ZC2HC1B: variants seen among roughly 807,000 people sequenced by gnomAD.
The protein encoded by ZC2HC1B is zinc finger C2HC domain-containing protein 1B.
Under a neutral mutation model 31.0 loss-of-function variants are expected in ZC2HC1B, and 36 were observed. The ratio of observed to expected loss-of-function variants is 1.16; its 90% CI spans 0.89 to 1.54. The LOEUF (loss-of-function observed/expected upper bound fraction) is 1.54, where lower values mean the gene tolerates loss of function less well. Among genes scored for constraint, ZC2HC1B ranks in the 40% most tolerant of loss-of-function variants. The pLI is 0.00. For missense variants in ZC2HC1B, 260 were observed against 268.6 expected (o/e 0.97, Z 0.22); for synonymous variants, 73 against 88.0 (o/e 0.83, Z 0.95).
intron 6 of ZC2HC1B, among the ~76,000 whole-genome samples, chr6:143,926,281 C>T (rs1454177382): frequency 1.3e-5 from 2 of 152,166 alleles, no homozygotes; most frequent in African/African-American, 4.8e-5. Flanking sequence ...CCTCTTAGCA[C>T]TTCTTTTGCT....
intron 6 of ZC2HC1B, among the ~76,000 whole-genome samples, chr6:143,926,177 G>A (rs569278468): frequency 1.3e-5 from 2 of 151,782 alleles, no homozygotes; most frequent in Non-Finnish European, 2.9e-5. Flanking sequence ...GATTTGGTCT[G>A]CTCTTGCTTT....
At chr6:143,912,548 CTTGT>C (rs1777872736) in intron 6 of ZC2HC1B, among the ~76,000 whole-genome samples, 1 of 152,122 alleles carries the variant, frequency 6.6e-6, no homozygotes, top group South Asian at 2.1e-4. Context: ...CCTTAGTTTT[CTTGT>C]TTATTTTCTG....
intron 4 of ZC2HC1B, among the ~76,000 whole-genome samples, chr6:143,889,018 C>T (rs1380786803): frequency 2.0e-5 from 3 of 151,842 alleles, no homozygotes; most frequent in Non-Finnish European, 2.9e-5. Flanking sequence ...CTTTTTAAAG[C>T]ATAAATAATA....
chr6:143,897,509 A>G (rs1451803789), intron 4 of ZC2HC1B, among the ~76,000 whole-genome samples: 1 of 151,882 alleles, frequency 6.6e-6, no homozygotes, highest in Admixed American at 6.6e-5. Flanking sequence ...AAAAGATATT[A>G]TACAGAACCA....
In ZC2HC1B at chr6:143,874,416, G is replaced by A. The variant is rs145702518; in HGVS notation, c.28+9849G>A. On this transcript the variant is annotated intron_variant, in intron 1 of 7. Coordinates refer to ENST00000237275, the MANE Select transcript of ZC2HC1B (RefSeq NM_001013623.3). The stretch of plus-strand genomic sequence containing the variant: ...GTTCCAAAGTCACTTCCACATTTTC[G>A]GGTATCTTTTCAGGAACACCCCACT... Among the ~76,000 whole-genome samples the A allele has an allele frequency of 2.3e-3, 352 of 152,134 alleles. 1 individual carries two copies. The highest frequency in any genetic ancestry group is 7.4e-3 in the African/African-American group (308 of 41,478).
chr6:143,886,828 A>G lies in ZC2HC1B; in HGVS notation c.349+7A>G, dbSNP rs1226937612. ...CCTCCATCCTTGAACCCAGGTGTGTAGACATTTTGGGTTGCTTTTGAGGCT... is the reference window on the plus strand; with the variant it reads ...CCTCCATCCTTGAACCCAGGTGTGTGGACATTTTGGGTTGCTTTTGAGGCT... On this transcript the variant is annotated splice_region_variant and intron_variant, in intron 4 of 7. Coordinates refer to ENST00000237275, the MANE Select transcript of ZC2HC1B (RefSeq NM_001013623.3). This position sits in a 1 kb window ranked among gnomAD's most constrained non-coding sequence, Gnocchi z 4.2. The G allele has an allele frequency of 6.6e-7, 1 of 1,508,440 alleles. No individual in the cohort carries two copies. The highest frequency in any genetic ancestry group is 1.3e-5 in the South Asian group (1 of 77,170). 93.4% of individuals were successfully genotyped at this position (1,508,440 alleles called of 1,614,324 possible). A position where few individuals can be genotyped will look rare whatever the true frequency, so the allele number is the denominator to read the frequency against.
rs2128493942 is a variant in ZC2HC1B, at chr6:143,884,756, C to T, written c.90+391C>T. Among the ~76,000 whole-genome samples the T allele has an allele frequency of 6.6e-6, 1 of 152,264 alleles. No homozygotes were observed. The highest frequency in any genetic ancestry group is 2.1e-4 in the South Asian group (1 of 4,826). ...AGACATCTGGAAACCTGGCTTTTAG[C>T]CTCAAATTTGTCACTAATCCTGACA... is the stretch of plus-strand genomic sequence containing the variant. On this transcript the variant is annotated intron_variant, in intron 2 of 7. Transcript: ENST00000237275. The surrounding 1 kb of genome is among the most constrained non-coding windows in gnomAD (Gnocchi z 5.1).
chr6:143,888,186 A>C (rs1467654203), intron 4 of ZC2HC1B, among the ~76,000 whole-genome samples: 1 of 152,036 alleles, frequency 6.6e-6, no homozygotes, highest in African/African-American at 2.4e-5. Flanking sequence ...TAATCTTGGC[A>C]CCATTATCAA....
rs1777477949 is a variant in ZC2HC1B at position 143,882,332 on chromosome 6, TTTTATATATATATATATATA to T, written c.29-1970_29-1951del. 1.0e-4 allele frequency among the ~76,000 whole-genome samples: 7 copies of T among 67,390 alleles called. No homozygotes were observed. The South Asian group carries it at 1.7e-3, about 16-fold the overall frequency. The allele number at this position is 67,390 out of a possible 152,430, so 44.2% of individuals were successfully genotyped here. A position where few individuals can be genotyped will look rare whatever the true frequency, so the allele number is the denominator to read the frequency against. ...AAAATATGTATACATATTTTATATT[TTTTATATATATATATATATA>T]TATATATATATATATATTTAGATGA... On this transcript the variant is annotated intron_variant, in intron 1 of 7. Coordinates refer to ENST00000237275, the MANE Select transcript of ZC2HC1B (RefSeq NM_001013623.3).
rs556172538 is a variant in ZC2HC1B, at chr6:143,887,055, A to T, written c.349+234A>T. 5.3e-5 allele frequency among the ~76,000 whole-genome samples: 8 copies of T among 152,322 alleles called. 1 individual carries two copies. Among genetic ancestry groups the T allele is most frequent in the African/African-American group, 1.4e-4 (6 of 41,562 alleles). On this transcript the variant is annotated intron_variant, in intron 4 of 7. Coordinates refer to ENST00000237275, the MANE Select transcript of ZC2HC1B (RefSeq NM_001013623.3). The surrounding 1 kb of genome is among the most constrained non-coding windows in gnomAD (Gnocchi z 5.1). ...CTGTGCTGTAGTATTACATGACTCC[A>T]AGAAACACCAGACACCTCTTAGCCG...
intron 1 of ZC2HC1B, 97 bp downstream of exon 1, chr6:143,864,664 A>G (rs1777234514): frequency 7.7e-7 from 1 of 1,301,720 alleles, no homozygotes; most frequent in Non-Finnish European, 1.1e-6. Flanking sequence ...AGCTTGTTCT[A>G]CCATGTGTGA....
In ZC2HC1B at chr6:143,885,564, G is replaced by A. The variant is rs1305895041; in HGVS notation, c.91-468G>A. On this transcript the variant is annotated intron_variant, in intron 2 of 7. Coordinates refer to ENST00000237275, the MANE Select transcript of ZC2HC1B (RefSeq NM_001013623.3). This position sits in a 1 kb window ranked among gnomAD's most constrained non-coding sequence, Gnocchi z 4.2. ...ATAGAGCTTGTATTTTGTGGGGTCT[G>A]ACAAAGCTACTGTGTCAATGATGGT... is the stretch of plus-strand genomic sequence containing the variant. 6.6e-6 allele frequency among the ~76,000 whole-genome samples: 1 copy of A among 152,192 alleles called. No individual in the cohort carries two copies. Among genetic ancestry groups the A allele is most frequent in the Non-Finnish European group, 1.5e-5 (1 of 68,024 alleles).
rs114524445 is a variant in ZC2HC1B, at chr6:143,929,200, C to T, written c.599-8449C>T. On this transcript the variant is annotated intron_variant, in intron 6 of 7. Coordinates refer to ENST00000237275, the MANE Select transcript of ZC2HC1B (RefSeq NM_001013623.3). Reference sequence around the variant, plus strand: ...AAGGGAAATTCTTTCAACTTTTTCCCAGTGTGTTATTGGCTGTGGGTTTGT... The same window carrying T: ...AAGGGAAATTCTTTCAACTTTTTCCTAGTGTGTTATTGGCTGTGGGTTTGT... Among the ~76,000 whole-genome samples the T allele has an allele frequency of 4.1e-3, 623 of 152,200 alleles. 4 individuals are homozygous for T. Among genetic ancestry groups the T allele is most frequent in the African/African-American group, 0.014 (564 of 41,530 alleles).
At chr6:143,894,330 A>ACC (rs775282517) in intron 4 of ZC2HC1B, among the ~76,000 whole-genome samples, 1 of 152,230 alleles carries the variant, frequency 6.6e-6, no homozygotes, top group Non-Finnish European at 1.5e-5. Context: ...GTTTTGCAAA[A>ACC]TATTGACTGA....
At chr6:143,920,695 G>C (rs1342877916) in intron 6 of ZC2HC1B, among the ~76,000 whole-genome samples, 1 of 152,096 alleles carries the variant, frequency 6.6e-6, no homozygotes, top group Non-Finnish European at 1.5e-5. Flanking sequence ...CAGATCACAA[G>C]TCAGGAGATC....
intron 6 of ZC2HC1B, among the ~76,000 whole-genome samples, chr6:143,937,302 C>T (rs1778190144): frequency 6.6e-6 from 1 of 152,094 alleles, no homozygotes; most frequent in Non-Finnish European, 1.5e-5. Context: ...TTTGAAGATC[C>T]AAAATATCAG....
chr6:143,908,018 C>A lies in ZC2HC1B; in HGVS notation c.598+4866C>A, dbSNP rs561344762. 2.6e-5 allele frequency among the ~76,000 whole-genome samples: 4 copies of A among 152,276 alleles called. No individual in the cohort carries two copies. The South Asian group carries it at 8.3e-4, about 32-fold the overall frequency. On this transcript the variant is annotated intron_variant, in intron 6 of 7. Transcript: ENST00000237275. This position sits in a 1 kb window ranked among gnomAD's most constrained non-coding sequence, Gnocchi z 4.4. ...TATGGCTGGCCAGTTATCCCAGCAC[C>A]ATTTATTAAATAAAGAATTCTTTCC...
rs547680450 is a variant in ZC2HC1B, at chr6:143,866,394, G to A, written c.28+1827G>A. On this transcript the variant is annotated intron_variant, in intron 1 of 7. Transcript: ENST00000237275. ...GCTGTAGAGTTATCAATTTGCCCTC[G>A]TGATCACATGGCTGACTGGGAGCAG... is the stretch of plus-strand genomic sequence containing the variant. 4.6e-5 allele frequency among the ~76,000 whole-genome samples: 7 copies of A among 152,312 alleles called. No homozygotes were observed. In the South Asian group the frequency reaches 1.0e-3, roughly 23 times the overall value.
Position 143,885,798 on chromosome 6 carries a change from T to C in ZC2HC1B, c.91-234T>C, listed in dbSNP as rs1777524967. ...TAAATATATAAACCCAAATTTGAAG[T>C]AAGTCTTTTAGCTATAAAGGCATTT... On this transcript the variant is annotated intron_variant, in intron 2 of 7. Coordinates refer to ENST00000237275, the MANE Select transcript of ZC2HC1B (RefSeq NM_001013623.3). The surrounding 1 kb of genome is among the most constrained non-coding windows in gnomAD (Gnocchi z 4.2). Among the ~76,000 whole-genome samples, 1 of 152,212 alleles carries C rather than the reference T, an allele frequency of 6.6e-6. No individual in the cohort carries two copies. Among genetic ancestry groups the C allele is most frequent in the African/African-American group, 2.4e-5 (1 of 41,458 alleles).
Sources: allele counts gnomAD v4.1 joint callset (sites outside exome capture counted in the v4.1 genomes callset), GRCh38; gene constraint gnomAD v4.1.1; non-coding constraint Gnocchi (gnomAD v3.1); transcripts MANE v1.5; gene names NCBI Gene and HGNC (gene_info 2026-07-23, HGNC 2026-07-21).